ANKRD30BL: variants seen among roughly 807,000 people sequenced by gnomAD.
The protein encoded by ANKRD30BL is ankyrin repeat domain 30B like.
A neutral mutation model predicts 18.4 loss-of-function variants in ANKRD30BL; 20 were observed. The observed-to-expected ratio is 1.09, with a 90% CI of 0.77 to 1.58. The LOEUF (loss-of-function observed/expected upper bound fraction) is 1.58, where lower values mean the gene tolerates loss of function less well. Among genes scored for constraint, ANKRD30BL ranks in the 40% most tolerant of loss-of-function variants. ANKRD30BL has a pLI of 0.00. For synonymous variants in ANKRD30BL, 72 were observed against 100.9 expected, an observed-to-expected ratio of 0.71 and a Z score of 1.72; for missense variants, 224 against 268.6, an observed-to-expected ratio of 0.83 and a Z score of 1.16.
intron 1 of ANKRD30BL, among the ~76,000 whole-genome samples, chr2:132,207,287 T>C (rs1197872679): frequency 1.3e-5 from 2 of 152,098 alleles, no homozygotes; most frequent in Non-Finnish European, 2.9e-5. Context: ...TCAATACCAA[T>C]CAGGAGATAA....
chr2:132,203,717 G>A (rs1275822144), intron 1 of ANKRD30BL, among the ~76,000 whole-genome samples: 5 of 151,752 alleles, frequency 3.3e-5, no homozygotes, highest in Non-Finnish European at 7.4e-5. Flanking sequence ...AATACTTTTA[G>A]GTAGAATAAT....
At chr2:132,148,284 T>C in intron 5 of ANKRD30BL, 56 bp from the exon 6 acceptor site, 1 of 1,480,322 alleles carries the variant, frequency 6.8e-7, no homozygotes, top group Non-Finnish European at 9.2e-7. Context: ...TCCTTCTGAC[T>C]CTTTACCTGG....
At chr2:132,249,073 C>A (rs1708848) in intron 1 of ANKRD30BL, among the ~76,000 whole-genome samples, 93 of 152,330 alleles carry the variant, frequency 6.1e-4, no homozygotes, top group African/African-American at 2.1e-3. Context: ...GAGATGAATG[C>A]ACACATTACA....
At chr2:132,216,504 C>T (rs1433504173) in intron 1 of ANKRD30BL, among the ~76,000 whole-genome samples, 1 of 151,210 alleles carries the variant, frequency 6.6e-6, no homozygotes, top group African/African-American at 2.4e-5. Flanking sequence ...GCTTTGAGGC[C>T]TATGGTGGAA....
rs1179658420 is a variant in ANKRD30BL at position 132,201,855 on chromosome 2, T to C, written n.442-44709A>G. Among the ~76,000 whole-genome samples the C allele has an allele frequency of 3.9e-5, 6 of 152,296 alleles. No homozygotes were observed. The South Asian group carries it at 8.3e-4, about 21-fold the overall frequency. ...GACACATGCACACGTATGTTTATTG[T>C]GGCATTATTCACAATAGCAAAGACT... On this transcript the variant is annotated intron_variant and non_coding_transcript_variant, in intron 1 of 4. Transcript: ENST00000470729.
At chr2:132,245,175 T>C (rs1309911596) in intron 1 of ANKRD30BL, among the ~76,000 whole-genome samples, 1 of 86 alleles carries the variant, frequency 0.012, no homozygotes, top group Non-Finnish European at 0.028. Context: ...GAGTTGAATC[T>C]TTCTTTCGAT....
At chr2:132,229,815 C>T (rs1679956727) in intron 1 of ANKRD30BL, among the ~76,000 whole-genome samples, 1 of 152,096 alleles carries the variant, frequency 6.6e-6, no homozygotes, top group Admixed American at 6.6e-5. Flanking sequence ...TAGACAGAAG[C>T]ATTCTCAGAA....
chr2:132,204,331 C>T (rs9287395), intron 1 of ANKRD30BL, among the ~76,000 whole-genome samples: 1 of 151,890 alleles, frequency 6.6e-6, no homozygotes, highest in Admixed American at 6.6e-5. Flanking sequence ...TTGTATTTTA[C>T]CCTTCAATGA....
intron 1 of ANKRD30BL, among the ~76,000 whole-genome samples, chr2:132,245,547 T>G (rs1558739111): frequency 6.6e-6 from 1 of 152,286 alleles, no homozygotes; most frequent in Non-Finnish European, 1.5e-5. Context: ...TTTGAAACAC[T>G]CTTTTTGTTG....
At chr2:132,212,991 C>T (rs1320717949) in intron 1 of ANKRD30BL, among the ~76,000 whole-genome samples, 1 of 151,784 alleles carries the variant, frequency 6.6e-6, no homozygotes, top group Non-Finnish European at 1.5e-5. Context: ...CATATAAAAA[C>T]TAGAAAGAAG....
At chr2:132,164,541 T>G (rs965977855), upstream of ANKRD30BL, among the ~76,000 whole-genome samples, 1 of 151,912 alleles carries the variant, frequency 6.6e-6, no homozygotes, top group South Asian at 2.1e-4. Context: ...TCCGCCCACC[T>G]TGGCCTCCCA....
At chr2:132,152,932 G>A (rs1221860265) in intron 4 of ANKRD30BL, among the ~76,000 whole-genome samples, 2 of 152,146 alleles carry the variant, frequency 1.3e-5, no homozygotes, top group Admixed American at 6.6e-5. Context: ...CCAGAGTGGG[G>A]TGCTGGTACT....
intron 1 of ANKRD30BL, among the ~76,000 whole-genome samples, chr2:132,187,371 T>C (rs1688585415): frequency 6.6e-6 from 1 of 151,724 alleles, no homozygotes; most frequent in Non-Finnish European, 1.5e-5. Flanking sequence ...ATTTTTGTAG[T>C]TTTAGTAGAG....
At position 132,250,017 on chromosome 2, in the gene ANKRD30BL, C is replaced by T. The variant is rs569846091; in HGVS notation, n.441+7512G>A. Among the ~76,000 whole-genome samples, 300 of 152,244 alleles carry T rather than the reference C, an allele frequency of 2.0e-3. 1 individual carries two copies. The highest frequency in any genetic ancestry group is 6.8e-3 in the African/African-American group (281 of 41,554). On this transcript the variant is annotated intron_variant and non_coding_transcript_variant, in intron 1 of 4. Transcript: ENST00000470729. ...CTTTTTCACCATAGGCCTCAAAGCGCTCACAAATATCCCTCTGCACATTCT... is the reference window on the plus strand; with the variant it reads ...CTTTTTCACCATAGGCCTCAAAGCGTTCACAAATATCCCTCTGCACATTCT...
intron 1 of ANKRD30BL, among the ~76,000 whole-genome samples, chr2:132,193,636 A>G (rs1678903385): frequency 6.6e-6 from 1 of 152,206 alleles, no homozygotes; most frequent in South Asian, 2.1e-4. Flanking sequence ...GAAACGTTCT[A>G]AAGATGCAAC....
intron 1 of ANKRD30BL, among the ~76,000 whole-genome samples, chr2:132,238,080 G>T (rs999296325): frequency 6.6e-6 from 1 of 151,936 alleles, no homozygotes; most frequent in South Asian, 2.1e-4. Context: ...TGTAGAATCT[G>T]CAAGTGGACA....
chr2:132,155,696 G>C (rs992158999), intron 3 of ANKRD30BL: 1 of 151,978 alleles, frequency 6.6e-6, no homozygotes, highest in Non-Finnish European at 1.5e-5. Flanking sequence ...TCAGGAGATC[G>C]AGACCATCGT....
At chr2:132,224,731 A>G (rs1679793960) in intron 1 of ANKRD30BL, among the ~76,000 whole-genome samples, 1 of 151,952 alleles carries the variant, frequency 6.6e-6, no homozygotes, top group African/African-American at 2.4e-5. Flanking sequence ...CTTTTCATAG[A>G]TCACTTTTGA....
intron 1 of ANKRD30BL, among the ~76,000 whole-genome samples, chr2:132,196,538 A>G (rs191907669): frequency 5.9e-4 from 90 of 152,340 alleles, no homozygotes; most frequent in African/African-American, 2.0e-3. Flanking sequence ...CTGTAATCCC[A>G]GCACTTTGGT....
Sources: gnomAD v4.1 joint callset for allele counts (sites outside exome capture counted in the v4.1 genomes callset) on GRCh38, gnomAD v4.1.1 for gene constraint, MANE v1.5 for transcripts, NCBI Gene and HGNC (gene_info 2026-07-23, HGNC 2026-07-21) for gene names.